FILIP1: variants seen among roughly 807,000 people sequenced by gnomAD.
The protein encoded by FILIP1 is filamin-A-interacting protein 1.
FILIP1 carries 61 observed loss-of-function variants against 102.1 expected under a neutral mutation model. The ratio of observed to expected loss-of-function variants is 0.60; its 90% CI spans 0.49 to 0.74. The LOEUF is 0.74. Among genes scored for constraint, FILIP1 ranks in the 30% least tolerant of loss-of-function variants. The pLI, the probability that FILIP1 is intolerant of heterozygous loss-of-function variation, is 0.00. For synonymous variants in FILIP1, 491 were observed against 526.9 expected, an observed-to-expected ratio of 0.93 and a Z score of 0.93; for missense variants, 1,314 against 1,441.2, an observed-to-expected ratio of 0.91 and a Z score of 1.43.
At chr6:75,367,268 T>C (rs935786530) in intron 2 of FILIP1, 1 of 152,230 alleles carries the variant, frequency 6.6e-6, no homozygotes, top group Non-Finnish European at 1.5e-5. Flanking sequence ...TATGGTGATA[T>C]AATACATTGT....
chr6:75,354,580 A>G lies in FILIP1; in HGVS notation c.451-863T>C, dbSNP rs911909011. On this transcript the variant is annotated intron_variant, in intron 3 of 5. Transcript: ENST00000237172. ...AGGGAGACTCCATCTCAAAAAAAAAAAAAAAAAAAACCTTTTAACCATTTT... is the reference window on the plus strand; with the variant it reads ...AGGGAGACTCCATCTCAAAAAAAAAGAAAAAAAAAACCTTTTAACCATTTT... Among the ~76,000 whole-genome samples, 27 of 152,236 alleles carry G rather than the reference A, an allele frequency of 1.8e-4. No individual in the cohort carries two copies. The East Asian group carries it at 3.9e-3, about 22-fold the overall frequency.
chr6:75,392,294 A>C (rs1776301527), intron 2 of FILIP1, among the ~76,000 whole-genome samples: 1 of 152,068 alleles, frequency 6.6e-6, no homozygotes. Flanking sequence ...GTGACTTCCA[A>C]ATTGACAACT....
intron 4 of FILIP1, among the ~76,000 whole-genome samples, chr6:75,328,802 A>T (rs1234009513): frequency 1.3e-5 from 2 of 151,970 alleles, no homozygotes; most frequent in Middle Eastern, 3.2e-3. Context: ...ATGTTTTTTT[A>T]AAAAATCTCC....
At chr6:75,448,709 G>A (rs1451197097) in intron 1 of FILIP1, among the ~76,000 whole-genome samples, 1 of 152,070 alleles carries the variant, frequency 6.6e-6, no homozygotes, top group Admixed American at 6.6e-5. Context: ...CTCAAAAGAA[G>A]ATACACAAAT....
intron 2 of FILIP1, among the ~76,000 whole-genome samples, chr6:75,380,056 A>G (rs1052602146): frequency 1.3e-5 from 2 of 152,194 alleles, no homozygotes; most frequent in Middle Eastern, 3.2e-3. Context: ...GGCCAATAGC[A>G]GATACTTCAT....
chr6:75,327,578 A>G (rs1773911551), intron 4 of FILIP1, among the ~76,000 whole-genome samples: 2 of 86,346 alleles, frequency 2.3e-5, no homozygotes, highest in South Asian at 4.1e-4. Flanking sequence ...ATATGCATAT[A>G]TATAAATATA....
At chr6:75,340,292 T>C (rs772476268) in intron 4 of FILIP1, among the ~76,000 whole-genome samples, 1 of 152,206 alleles carries the variant, frequency 6.6e-6, no homozygotes, top group African/African-American at 2.4e-5. Context: ...CTAAATTTTC[T>C]TCTGACGCAA....
At chr6:75,335,688 C>A (rs1424060932) in intron 4 of FILIP1, among the ~76,000 whole-genome samples, 1 of 151,986 alleles carries the variant, frequency 6.6e-6, no homozygotes, top group Admixed American at 6.6e-5. Context: ...AATAAAAGCA[C>A]GATACCAGAT....
chr6:75,490,674 C>T (rs1245980081), intron 1 of FILIP1, among the ~76,000 whole-genome samples: 6 of 150,390 alleles, frequency 4.0e-5, no homozygotes. Flanking sequence ...TGCATGTGTG[C>T]ATGCATATAT....
At chr6:75,428,053 TA>T (rs1777688132) in intron 1 of FILIP1, among the ~76,000 whole-genome samples, 1 of 152,150 alleles carries the variant, frequency 6.6e-6, no homozygotes, top group Non-Finnish European at 1.5e-5. Flanking sequence ...CTTTGTGAAA[TA>T]AGCCCTGGCA....
chr6:75,423,922 G>A (rs978048533), intron 1 of FILIP1, among the ~76,000 whole-genome samples: 3 of 152,134 alleles, frequency 2.0e-5, no homozygotes, highest in African/African-American at 7.2e-5. Flanking sequence ...TGTATTGATT[G>A]TAATCATCCC....
chr6:75,332,466 G>T lies in FILIP1; in HGVS notation c.630-17264C>A, dbSNP rs112129038. On this transcript the variant is annotated intron_variant, in intron 4 of 5. Coordinates refer to ENST00000237172, the MANE Select transcript of FILIP1 (RefSeq NM_015687.5). ...TTTGTCACTTAAATGTGTGACCTTG[G>T]GCTCTCCCTTCCAGGTGGCCCCTTC... Among the ~76,000 whole-genome samples, 309 of 152,128 alleles carry T rather than the reference G, an allele frequency of 2.0e-3. 1 individual carries two copies. Among genetic ancestry groups the T allele is most frequent in the African/African-American group, 7.1e-3 (295 of 41,490 alleles).
Position 75,308,916 on chromosome 6 carries a change from G to C in FILIP1, c.3436-19C>G. The C allele has an allele frequency of 6.2e-7, 1 of 1,613,040 alleles. No homozygotes were observed. On this transcript the variant is annotated intron_variant, in intron 5 of 5. Transcript: ENST00000237172. ...GTCCTGACTGTAAGAGAGAAAATAC[G>C]TAGATACAAGGGAGATGTTGGTGAG...
rs68150078 is a variant in FILIP1, at chr6:75,457,612, G to GTCTCTCTCTCTCTC, written c.-7+35788_-7+35801dup. Among the ~76,000 whole-genome samples, 564 of 142,696 alleles carry GTCTCTCTCTCTCTC rather than the reference G, an allele frequency of 4.0e-3. 8 individuals carry two copies. The highest frequency in any genetic ancestry group is 0.012 in the East Asian group (56 of 4,724). The allele number at this position is 142,696 out of a possible 152,430, so 93.6% of individuals were successfully genotyped here. A position where few individuals can be genotyped will look rare whatever the true frequency, so the allele number is the denominator to read the frequency against. ...AAAATACCTAATTATTTCAAACAAA[G>GTCTCTCTCTCTCTC]TCTCTCTCTCTCTCTCTCTCTCTCT... On this transcript the variant is annotated intron_variant, in intron 1 of 5. Coordinates refer to ENST00000237172, the MANE Select transcript of FILIP1 (RefSeq NM_015687.5).
At chr6:75,372,675 AAGAAAGAAAG>A (rs1481876086) in intron 2 of FILIP1, among the ~76,000 whole-genome samples, 13 of 60,468 alleles carry the variant, frequency 2.1e-4, no homozygotes, top group Admixed American at 4.6e-4. Context: ...GAAAGAAAGA[AAGAAAGAAAG>A]AGAAAGAAAG....
At chr6:75,452,016 G>A (rs568353666) in intron 1 of FILIP1, among the ~76,000 whole-genome samples, 8 of 151,574 alleles carry the variant, frequency 5.3e-5, no homozygotes, top group African/African-American at 1.2e-4. Context: ...TATTTGGATC[G>A]AATAATTCCA....
At chr6:75,381,700 G>A (rs1324757747) in intron 2 of FILIP1, among the ~76,000 whole-genome samples, 1 of 152,050 alleles carries the variant, frequency 6.6e-6, no homozygotes, top group Non-Finnish European at 1.5e-5. Context: ...GTCTGACTTT[G>A]GATTTGTAGA....
exon 7 of FILIP1, chr6:75,295,442 T>C (rs1482866985): frequency 2.0e-5 from 3 of 152,250 alleles, no homozygotes; most frequent in Non-Finnish European, 2.9e-5. Context: ...TCAGGAAATA[T>C]AGTTGTACTT....
At chr6:75,329,371 C>G (rs1013309532) in intron 4 of FILIP1, among the ~76,000 whole-genome samples, 6 of 152,228 alleles carry the variant, frequency 3.9e-5, no homozygotes, top group Non-Finnish European at 7.3e-5. Flanking sequence ...CATCAGTTGT[C>G]TCTTTGACTC....
Sources: gnomAD v4.1 joint callset for allele counts (sites outside exome capture counted in the v4.1 genomes callset) on GRCh38, gnomAD v4.1.1 for gene constraint, MANE v1.5 for transcripts, NCBI Gene and HGNC (gene_info 2026-07-23, HGNC 2026-07-21) for gene names.